The following EIF4G3 variants were observed in gnomAD, a reference collection of about 807,000 sequenced individuals.
EIF4G3 encodes the protein eIF-4-gamma 3.
Under a neutral mutation model 186.4 loss-of-function variants are expected in EIF4G3, and 34 were observed. The observed-to-expected ratio is 0.18, with a 90% CI of 0.14 to 0.24. The LOEUF is 0.24. EIF4G3 is among the 10% of genes least tolerant of loss of function. EIF4G3 has a pLI of 1.00. For missense variants in EIF4G3, 1,536 were observed against 1,948.5 expected (o/e 0.79, Z 3.99); for synonymous variants, 673 against 679.5 (o/e 0.99, Z 0.15).
intron 2 of EIF4G3, among the ~76,000 whole-genome samples, chr1:21,144,679 C>CTTTGTCTCAGGTCATAAAGTAAA (rs1553294176): frequency 6.6e-6 from 1 of 152,094 alleles, no homozygotes; most frequent in African/African-American, 2.4e-5. Context: ...AGTAAAATGG[C>CTTTGTCTCAGGTCATAAAGTAAA]TTTGTCTCAG....
At chr1:20,986,627 T>C (rs1016535846) in intron 7 of EIF4G3, among the ~76,000 whole-genome samples, 2 of 151,180 alleles carry the variant, frequency 1.3e-5, no homozygotes, top group African/African-American at 4.9e-5. Flanking sequence ...CATGCGCCTG[T>C]AGTCCCAGCT....
At chr1:21,028,123 G>C (rs1012250952) in intron 4 of EIF4G3, among the ~76,000 whole-genome samples, 2 of 152,208 alleles carry the variant, frequency 1.3e-5, no homozygotes, top group African/African-American at 4.8e-5. Flanking sequence ...TTGCCAGGGT[G>C]CAAAGGGAGG....
At chr1:21,048,708 G>T (rs1411980076) in intron 4 of EIF4G3, among the ~76,000 whole-genome samples, 8 of 152,114 alleles carry the variant, frequency 5.3e-5, no homozygotes, top group African/African-American at 1.9e-4. Flanking sequence ...CTAGAGGGCA[G>T]AATTCTCACA....
At chr1:21,070,103 T>C (rs6426668) in intron 3 of EIF4G3, among the ~76,000 whole-genome samples, 56,199 of 151,930 alleles carry the variant, frequency 0.37, 11,029 homozygotes, top group Non-Finnish European at 0.43. Flanking sequence ...TTATTACTGC[T>C]AATACAATAT....
intron 30 of EIF4G3, among the ~76,000 whole-genome samples, chr1:20,837,236 A>C (rs2067015922): frequency 6.6e-6 from 1 of 151,572 alleles, no homozygotes; most frequent in Admixed American, 6.6e-5. Flanking sequence ...TTTGAGAAGG[A>C]GTCTCTGTTG....
At chr1:20,862,927 T>C (rs1017519503) in intron 22 of EIF4G3, among the ~76,000 whole-genome samples, 2 of 151,858 alleles carry the variant, frequency 1.3e-5, no homozygotes, top group African/African-American at 4.8e-5. Context: ...GACAGGCATA[T>C]GCCACTACAC....
At chr1:21,108,002 G>T (rs2096646624) in intron 2 of EIF4G3, among the ~76,000 whole-genome samples, 1 of 152,170 alleles carries the variant, frequency 6.6e-6, no homozygotes, top group African/African-American at 2.4e-5. Flanking sequence ...AACAAAATTA[G>T]CCAGGCGCAG....
chr1:20,830,887 C>T (rs142672782), intron 30 of EIF4G3, among the ~76,000 whole-genome samples: 2 of 152,140 alleles, frequency 1.3e-5, no homozygotes, highest in East Asian at 3.9e-4. Flanking sequence ...GTTCTTAAAT[C>T]CTGTTGCATG....
At chr1:21,000,856 T>C (rs1394213585) in intron 6 of EIF4G3, among the ~76,000 whole-genome samples, 1 of 152,114 alleles carries the variant, frequency 6.6e-6, no homozygotes, top group Admixed American at 6.5e-5. Flanking sequence ...GACAATTTCC[T>C]CCTTAATATT....
At chr1:20,843,674 A>C (rs1346460023) in intron 29 of EIF4G3, among the ~76,000 whole-genome samples, 2 of 152,198 alleles carry the variant, frequency 1.3e-5, no homozygotes, top group Non-Finnish European at 2.9e-5. Flanking sequence ...TCAGGGGTAC[A>C]TGTGCAGGAT....
chr1:20,840,795 G>T, intron 30 of EIF4G3, 61 bp downstream of exon 30: 1 of 1,513,248 alleles, frequency 6.6e-7, no homozygotes, highest in South Asian at 1.2e-5. Context: ...TAAGTACTTT[G>T]AAAATTAACT....
In EIF4G3 at chr1:20,807,390, C is replaced by T. The variant is rs371347072; in HGVS notation, c.4855G>A (p.Val1619Met). 5.5e-5 allele frequency: 89 copies of T among 1,612,184 alleles called. No individual in the cohort carries two copies. Among genetic ancestry groups the T allele is most frequent in the Non-Finnish European group, 7.0e-5 (83 of 1,178,726 alleles). The stretch of plus-strand genomic sequence containing the variant: ...AATGCCGTGACAGATTTCAGAGCCA[C>T]GCCCTTCCCATTCTGCTCTGCAGGG... ...KDPAEQNGKG[V>M]ALKSVTAFFT... Residue 1619 changes from valine to methionine, a missense_variant, in exon 37 of 37, where the codon GTG becomes ATG. By Grantham distance (21) the Val-to-Met change is conservative. Coordinates refer to ENST00000602326, the MANE Select transcript of EIF4G3 (RefSeq NM_001391906.1).
chr1:20,960,390 C>T (rs1208166743), intron 12 of EIF4G3, among the ~76,000 whole-genome samples: 3 of 151,852 alleles, frequency 2.0e-5, no homozygotes, highest in African/African-American at 7.3e-5. Flanking sequence ...CACTTGAACC[C>T]AGGAGGCGGA....
chr1:20,846,027 T>C (rs963099178), intron 29 of EIF4G3, among the ~76,000 whole-genome samples: 1 of 152,206 alleles, frequency 6.6e-6, no homozygotes, highest in South Asian at 2.1e-4. Context: ...ACTTCCCTTG[T>C]TAGCTGTATT....
chr1:21,125,828 C>A (rs2097029439), intron 2 of EIF4G3, among the ~76,000 whole-genome samples: 1 of 150,902 alleles, frequency 6.6e-6, no homozygotes, highest in Admixed American at 6.6e-5. Context: ...CTAAGTATGA[C>A]AGACCCTGTT....
At position 20,929,182 on chromosome 1, in the gene EIF4G3, C is replaced by G. The variant is rs10916906; in HGVS notation, c.1663+12309G>C. On this transcript the variant is annotated intron_variant, in intron 14 of 36. Transcript: ENST00000602326. ...TGGCTGCCCTATTCATTTTCCCCCC[C>G]ATTCTTCTGAGCTTTCTTTGCCTTT... Among the ~76,000 whole-genome samples the G allele has an allele frequency of 2.0e-5, 3 of 152,000 alleles. No individual in the cohort carries two copies. In the East Asian group the frequency reaches 5.8e-4, roughly 29 times the overall value.
chr1:20,853,300 G>A (rs150978008), intron 27 of EIF4G3, among the ~76,000 whole-genome samples: 1 of 152,238 alleles, frequency 6.6e-6, no homozygotes, highest in East Asian at 1.9e-4. Context: ...ATTAGCTTGC[G>A]GAGCCCCTAG....
chr1:20,807,853 C>T (rs2058379112), intron 36 of EIF4G3, among the ~76,000 whole-genome samples: 1 of 142,258 alleles, frequency 7.0e-6, no homozygotes, highest in Non-Finnish European at 1.5e-5. Context: ...ACCTCTACCT[C>T]CTGGGTTTAA....
chr1:20,864,811 T>C (rs2077197361), intron 21 of EIF4G3, 99 bp from the exon 22 acceptor site: 1 of 1,073,320 alleles, frequency 9.3e-7, no homozygotes, highest in Non-Finnish European at 1.4e-6. Context: ...GAGAATCTGA[T>C]AGCAAGTGTA....
Sources: allele counts gnomAD v4.1 joint callset (sites outside exome capture counted in the v4.1 genomes callset), GRCh38; gene constraint gnomAD v4.1.1; transcripts MANE v1.5; gene names NCBI Gene and HGNC (gene_info 2026-07-23, HGNC 2026-07-21).